LIMS1: variants seen among roughly 807,000 people sequenced by gnomAD.
The protein encoded by LIMS1 is LIM and senescent cell antigen-like-containing domain protein 1.
A neutral mutation model predicts 44.1 loss-of-function variants in LIMS1; 18 were observed. The observed-to-expected ratio is 0.41, with a 90% CI of 0.28 to 0.61. The LOEUF (loss-of-function observed/expected upper bound fraction) is 0.61, where lower values mean the gene tolerates loss of function less well. Ranked by LOEUF, LIMS1 falls within the 20% of genes least tolerant of loss-of-function variation. The pLI is 0.32. For missense variants in LIMS1, 201 were observed against 422.0 expected (o/e 0.48, Z 4.59); for synonymous variants, 93 against 149.1 (o/e 0.62, Z 2.74).
At chr2:108,640,552 A>G (rs1689602491) in intron 1 of LIMS1, among the ~76,000 whole-genome samples, 1 of 152,144 alleles carries the variant, frequency 6.6e-6, no homozygotes, top group South Asian at 2.1e-4. Flanking sequence ...GCTGTCCCTC[A>G]GTACACCTCT....
At chr2:108,624,617 C>T (rs1179133353) in intron 1 of LIMS1, among the ~76,000 whole-genome samples, 2 of 151,884 alleles carry the variant, frequency 1.3e-5, no homozygotes, top group Non-Finnish European at 2.9e-5. Context: ...ATTAGCTGGA[C>T]GTGGTGGCAA....
chr2:108,540,717 C>A (rs1032952207), intron 1 of LIMS1, among the ~76,000 whole-genome samples: 64 of 152,236 alleles, frequency 4.2e-4, no homozygotes, highest in African/African-American at 1.5e-3. Context: ...TATTTAAATA[C>A]ACTGCTTCTT....
chr2:108,596,067 A>G (rs543499773), intron 1 of LIMS1, among the ~76,000 whole-genome samples: 1 of 152,204 alleles, frequency 6.6e-6, no homozygotes, highest in Non-Finnish European at 1.5e-5. Flanking sequence ...TGCTAAAAGG[A>G]TGTGTGTCAG....
At chr2:108,625,585 C>CA (rs1418605680) in intron 1 of LIMS1, among the ~76,000 whole-genome samples, 7 of 151,838 alleles carry the variant, frequency 4.6e-5, no homozygotes, top group African/African-American at 1.7e-4. Context: ...AATCCCCCCC[C>CA]CCAAAAAAAT....
chr2:108,684,006 T>C, exon 10 of LIMS1: 1 of 1,397,858 alleles, frequency 7.2e-7, no homozygotes, highest in Non-Finnish European at 1.0e-6. Context: ...ATAAGTTCCT[T>C]TATTTTTTCT....
upstream of LIMS1, chr2:108,534,184 G>C (rs980649934): frequency 6.5e-6 from 1 of 153,760 alleles, no homozygotes; most frequent in African/African-American, 2.4e-5. Flanking sequence ...CGCTGCGTTT[G>C]CGCCAGCCTC....
At chr2:108,673,516 A>G (rs1412094623) in intron 5 of LIMS1, 1 of 182,720 alleles carries the variant, frequency 5.5e-6, no homozygotes, top group Non-Finnish European at 1.2e-5. Context: ...CCTCCAGAGT[A>G]GCTGAGACCA....
intron 1 of LIMS1, among the ~76,000 whole-genome samples, chr2:108,569,764 CTTTTT>C (rs10596766): frequency 8.8e-6 from 1 of 113,098 alleles, no homozygotes; most frequent in Non-Finnish European, 1.7e-5. Flanking sequence ...CCATATCTGG[CTTTTT>C]TTTTTTTTTT....
rs529684279 is a variant in LIMS1, at chr2:108,575,836, G to A, written c.32+41242G>A. 2.6e-5 allele frequency among the ~76,000 whole-genome samples: 4 copies of A among 152,288 alleles called. No homozygotes were observed. In the South Asian group the frequency reaches 8.3e-4, roughly 32 times the overall value. Reference sequence around the variant, plus strand: ...GTGTGTGGTATTATTCATTTTGGCTGTTTGGATGGCATGTGATACAGCATT... The same window carrying A: ...GTGTGTGGTATTATTCATTTTGGCTATTTGGATGGCATGTGATACAGCATT... On this transcript the variant is annotated intron_variant, in intron 1 of 9. Transcript: ENST00000544547.
At chr2:108,552,434 A>C (rs1417997832) in intron 1 of LIMS1, among the ~76,000 whole-genome samples, 1 of 145,870 alleles carries the variant, frequency 6.9e-6, no homozygotes, top group African/African-American at 2.5e-5. Flanking sequence ...AGTTAAAAAT[A>C]TAAATATAAA....
At chr2:108,654,245 G>A (rs1411858009) in intron 1 of LIMS1, among the ~76,000 whole-genome samples, 1 of 152,122 alleles carries the variant, frequency 6.6e-6, no homozygotes, top group African/African-American at 2.4e-5. Context: ...AGTGTGAACT[G>A]AATATAGCAA....
intron 1 of LIMS1, among the ~76,000 whole-genome samples, chr2:108,566,724 G>A (rs981787282): frequency 7.9e-5 from 12 of 152,120 alleles, no homozygotes; most frequent in Admixed American, 6.5e-4. Flanking sequence ...GGCCTCCCGA[G>A]TAGCTGGGAT....
chr2:108,647,229 T>C (rs987431183), intron 1 of LIMS1, among the ~76,000 whole-genome samples: 1 of 152,072 alleles, frequency 6.6e-6, no homozygotes, highest in Non-Finnish European at 1.5e-5. Context: ...AATGGATAAA[T>C]CGCTGGACAT....
chr2:108,642,010 C>CATTTTGGCATATGATA (rs1435857025), intron 1 of LIMS1, among the ~76,000 whole-genome samples: 1 of 152,128 alleles, frequency 6.6e-6, no homozygotes, highest in Non-Finnish European at 1.5e-5. Flanking sequence ...AGAAACAGTT[C>CATTTTGGCATATGATA]ATTTTGGCAT....
At chr2:108,679,619 A>G (rs1692812299) in intron 8 of LIMS1, among the ~76,000 whole-genome samples, 1 of 152,174 alleles carries the variant, frequency 6.6e-6, no homozygotes, top group African/African-American at 2.4e-5. Flanking sequence ...CAACAACTGT[A>G]TACATAAAGG....
intron 1 of LIMS1, among the ~76,000 whole-genome samples, chr2:108,631,045 T>G (rs1281163335): frequency 6.6e-6 from 1 of 152,334 alleles, no homozygotes; most frequent in Non-Finnish European, 1.5e-5. Flanking sequence ...TAAAATTTAT[T>G]ATGACAGGAT....
At chr2:108,558,031 A>G (rs1349332072) in intron 1 of LIMS1, among the ~76,000 whole-genome samples, 1 of 152,234 alleles carries the variant, frequency 6.6e-6, no homozygotes, top group African/African-American at 2.4e-5. Context: ...AATACTTTCT[A>G]GCAAACAGAC....
chr2:108,622,247 G>A (rs1688291748), intron 1 of LIMS1, among the ~76,000 whole-genome samples: 2 of 152,222 alleles, frequency 1.3e-5, no homozygotes, highest in East Asian at 3.9e-4. Context: ...TAATTTGGAG[G>A]TCTTGATTTA....
At position 108,600,897 on chromosome 2, in the gene LIMS1, TCTTC is replaced by T. The variant is rs1558803875; in HGVS notation, c.33-58707_33-58704del. ...TAAATTTTAGAATTGTTCGTTCTTCTCTTCTCTTCTCTTCTCTTCTCTTCTCTTC... is the reference window on the plus strand; with the variant it reads ...TAAATTTTAGAATTGTTCGTTCTTCTTCTTCTCTTCTCTTCTCTTCTCTTC... On this transcript the variant is annotated intron_variant, in intron 1 of 9. Transcript: ENST00000544547. 9.4e-3 allele frequency among the ~76,000 whole-genome samples: 1,348 copies of T among 144,078 alleles called. 25 individuals are homozygous for T. Among genetic ancestry groups the T allele is most frequent in the African/African-American group, 0.023 (901 of 38,574 alleles). The allele number at this position is 144,078 out of a possible 152,430, so 94.5% of individuals were successfully genotyped here.
Sources: allele counts gnomAD v4.1 joint callset (sites outside exome capture counted in the v4.1 genomes callset), GRCh38; gene constraint gnomAD v4.1.1; transcripts MANE v1.5; gene names NCBI Gene and HGNC (gene_info 2026-07-23, HGNC 2026-07-21).